APC2: variants seen among roughly 807,000 people sequenced by gnomAD.
APC2 encodes APC regulator of Wnt signaling pathway 2.
A neutral mutation model predicts 72.5 loss-of-function variants in APC2; 41 were observed. The observed-to-expected ratio is 0.57, with a 90% CI of 0.44 to 0.73. The LOEUF (loss-of-function observed/expected upper bound fraction) is 0.73, where lower values mean the gene tolerates loss of function less well. Ranked by LOEUF, APC2 falls within the 30% of genes least tolerant of loss-of-function variation. The pLI is 0.00. For synonymous variants in APC2, 1,898 were observed against 1,612.0 expected (o/e 1.18, Z -4.25); for missense variants, 3,729 against 3,403.4 (o/e 1.10, Z -2.38).
In APC2 at chr19:1,470,087, C is replaced by A; in HGVS notation, c.6786C>A (p.Gly2262=). 1 of 1,602,592 alleles carries A rather than the reference C, an allele frequency of 6.2e-7. No individual in the cohort carries two copies. The highest frequency in any genetic ancestry group is 8.5e-7 in the Non-Finnish European group (1 of 1,177,138). The change falls in exon 15 of 15, where the codon GGC becomes GGA. Residue 2262 remains glycine, a synonymous_variant. Coordinates refer to ENST00000590469, the MANE Select transcript of APC2 (RefSeq NM_005883.3). ...GGGGCTTCCCCGCCAGCCGGCACGG[C>A]TCCCCCAGCCGCTCGGCCCGAGTAC... ...AVGGFPASRH[G]SPSRSARVPP... is the part of the protein sequence containing the mutation.
Position 1,471,520 on chromosome 19 carries a change from G to T in APC2, c.*1307G>T, listed in dbSNP as rs1368211314. On this transcript the variant is annotated 3_prime_UTR_variant, in exon 15 of 15. Transcript: ENST00000590469. ...GCTGGGAGCTGGGCCTCCTGCGTGG[G>T]GTGGGACTCGCAGGGGCCGGGTCTC... 3.9e-5 allele frequency: 6 copies of T among 152,258 alleles called. No homozygotes were observed. Among genetic ancestry groups the T allele is most frequent in the Non-Finnish European group, 1.5e-5 (1 of 68,072 alleles). The allele number at this position is 152,258 out of a possible 1,614,324, so 9.4% of individuals were successfully genotyped here. A position where few individuals can be genotyped will look rare whatever the true frequency, so the allele number is the denominator to read the frequency against.
chr19:1,456,266 C>G, intron 7 of APC2, 40 bp from the exon 8 acceptor site: 1 of 1,579,888 alleles, frequency 6.3e-7, no homozygotes, highest in Non-Finnish European at 8.6e-7. Flanking sequence ...AGACTGGGTG[C>G]TCTGGGACTG....
chr19:1,450,359 G>A, intron 1 of APC2, 21 bp downstream of exon 1: 1 of 985,554 alleles, frequency 1.0e-6, no homozygotes. Context: ...TCGGGGAGGA[G>A]GGCAGGGGCG....
chr19:1,462,209 C>A, intron 14 of APC2, 32 bp downstream of exon 14: 1 of 1,510,322 alleles, frequency 6.6e-7, no homozygotes, highest in Admixed American at 2.0e-5. Flanking sequence ...CGCACACAGG[C>A]AGCTGCGCTC....
In APC2 at chr19:1,457,014, C is replaced by G. The variant is rs750529335; in HGVS notation, c.978C>G (p.Ala326=). Residue 326 remains alanine, a synonymous_variant, in exon 9 of 15, where the codon GCC becomes GCG. Transcript: ENST00000590469. Reference sequence around the variant, plus strand: ...TGCAAATCCTCCACGGCACCGAGGCCGCGGCCGGGGGTCGCGCCGGGGCCC... The same window carrying G: ...TGCAAATCCTCCACGGCACCGAGGCGGCGGCCGGGGGTCGCGCCGGGGCCC... ...LLLQILHGTE[A]AAGGRAGAPG... is the part of the protein sequence containing the mutation. The G allele has an allele frequency of 6.5e-6, 10 of 1,529,176 alleles. No individual in the cohort carries two copies. Among genetic ancestry groups the G allele is most frequent in the Non-Finnish European group, 8.7e-6 (10 of 1,144,264 alleles). 94.7% of individuals were successfully genotyped at this position (1,529,176 alleles called of 1,614,324 possible). A position where few individuals can be genotyped will look rare whatever the true frequency, so the allele number is the denominator to read the frequency against.
Position 1,469,177 on chromosome 19 carries a change from C to A in APC2, c.5876C>A (p.Thr1959Asn). ...PEPGPRGRAG[T>N]EAGPGARGGR... The stretch of plus-strand genomic sequence containing the variant: ...CCGGGCCCCAGGGGCCGGGCGGGGA[C>A]CGAGGCGGGCCCGGGGGCGCGCGGG... Residue 1959 changes from threonine (T) to asparagine (N), a missense_variant, in exon 15 of 15, where the codon ACC becomes AAC. Thr to Asn is a moderately conservative substitution (Grantham distance 65, BLOSUM62 0). Coordinates refer to ENST00000590469, the MANE Select transcript of APC2 (RefSeq NM_005883.3). 1 of 1,283,648 alleles carries A rather than the reference C, an allele frequency of 7.8e-7. No homozygotes were observed. 79.5% of individuals were successfully genotyped at this position (1,283,648 alleles called of 1,614,324 possible).
intron 1 of APC2, chr19:1,451,570 C>T (rs2083743305): frequency 1.3e-5 from 2 of 152,294 alleles, no homozygotes; most frequent in African/African-American, 4.8e-5. Flanking sequence ...CTGCAGGTTC[C>T]TCAGAGGGGC....
At chr19:1,448,366 G>A (rs2083705417), upstream of APC2, among the ~76,000 whole-genome samples, 1 of 151,474 alleles carries the variant, frequency 6.6e-6, no homozygotes, top group Non-Finnish European at 1.5e-5. Context: ...GACCAACACG[G>A]TGAAACCCCC....
rs2145246525 is a variant in APC2 at position 1,467,721 on chromosome 19, A to G, written c.4420A>G (p.Ser1474Gly). ...GLELPLGRPP[S>G]APADKDGSKP... ...GGAGCTGCCCCTGGGCCGGCCCCCG[A>G]GCGCCCCCGCAGACAAGGACGGCTC... The change falls in exon 15 of 15, where the codon AGC becomes GGC. Residue 1474 changes from serine (S) to glycine (G), a missense_variant. By Grantham distance (56) the Ser-to-Gly change is moderately conservative. Transcript: ENST00000590469. 7.0e-7 allele frequency: 1 copy of G among 1,435,754 alleles called. No homozygotes were observed. The highest frequency in any genetic ancestry group is 9.1e-7 in the Non-Finnish European group (1 of 1,103,192). The allele number at this position is 1,435,754 out of a possible 1,614,324, so 88.9% of individuals were successfully genotyped here. A position where few individuals can be genotyped will look rare whatever the true frequency, so the allele number is the denominator to read the frequency against.
At chr19:1,462,835 G>A (rs1285198588) in intron 14 of APC2, among the ~76,000 whole-genome samples, 1 of 151,146 alleles carries the variant, frequency 6.6e-6, no homozygotes, top group Non-Finnish European at 1.5e-5. Flanking sequence ...GCTGGGCATG[G>A]TGGTGGGTGC....
Position 1,469,703 on chromosome 19 carries a change from G to T in APC2, c.6402G>T (p.Arg2134=). 7.2e-7 allele frequency: 1 copy of T among 1,383,242 alleles called. No homozygotes were observed. The highest frequency in any genetic ancestry group is 1.6e-5 in the South Asian group (1 of 62,278). 85.7% of individuals were successfully genotyped at this position (1,383,242 alleles called of 1,614,324 possible). Residue 2134 remains arginine, a synonymous_variant, in exon 15 of 15, where the codon CGG becomes CGT. Transcript: ENST00000590469. ...GCCGCAGCAGCGACGGGGAGCCCCG[G>T]CCGCTCCCCAGGGTGGCCGCGCCGG... ...AARRSSDGEP[R]PLPRVAAPGT...
chr19:1,461,108 G>A lies in APC2; in HGVS notation c.1593G>A (p.Ala531=), dbSNP rs760400612. The change falls in exon 13 of 15, where the codon GCG becomes GCA. Residue 531 remains alanine, a synonymous_variant. Transcript: ENST00000590469. ...DINSKKVLRE[A]GSVTALVQCV... The stretch of plus-strand genomic sequence containing the variant: ...ACAGCAAGAAGGTGCTGAGGGAGGC[G>A]GGCAGCGTGACTGCCCTGGTGCAGT... 41 of 1,612,998 alleles carry A rather than the reference G, an allele frequency of 2.5e-5. No individual in the cohort carries two copies. Among genetic ancestry groups the A allele is most frequent in the South Asian group, 5.5e-5 (5 of 91,090 alleles).
In APC2 at chr19:1,470,485, A is replaced by T; in HGVS notation, c.*272A>T. 1 of 434,030 alleles carries T rather than the reference A, an allele frequency of 2.3e-6. No homozygotes were observed. Among genetic ancestry groups the T allele is most frequent in the South Asian group, 4.1e-5 (1 of 24,404 alleles). 26.9% of individuals were successfully genotyped at this position (434,030 alleles called of 1,614,324 possible). On this transcript the variant is annotated 3_prime_UTR_variant, in exon 15 of 15. Coordinates refer to ENST00000590469, the MANE Select transcript of APC2 (RefSeq NM_005883.3). ...AGCGCTGGCAAGGGCGTCCTGGCCC[A>T]GCCCTGAGCGCGCGGCCCTTCCCCT...
chr19:1,457,684 C>CGA, intron 9 of APC2: 1 of 538,864 alleles, frequency 1.9e-6, no homozygotes, highest in Non-Finnish European at 3.4e-6. Flanking sequence ...GACAACAGAG[C>CGA]GAGACCCTGT....
rs1000864276 is a variant in APC2, at chr19:1,470,363, C to T, written c.*150C>T. On this transcript the variant is annotated 3_prime_UTR_variant, in exon 15 of 15. Coordinates refer to ENST00000590469, the MANE Select transcript of APC2 (RefSeq NM_005883.3). The stretch of plus-strand genomic sequence containing the variant: ...CCACTCTCAGAACCCCCGCCCAGCG[C>T]ACGGCGACCTCGCGCCTCACCGGAA... 2 of 1,147,618 alleles carry T rather than the reference C, an allele frequency of 1.7e-6. No individual in the cohort carries two copies. The highest frequency in any genetic ancestry group is 2.3e-6 in the Non-Finnish European group (2 of 854,632). The allele number at this position is 1,147,618 out of a possible 1,614,324, so 71.1% of individuals were successfully genotyped here.
Position 1,468,350 on chromosome 19 carries a change from C to T in APC2, c.5049C>T (p.Ser1683=), listed in dbSNP as rs758774931. The change falls in exon 15 of 15, where the codon AGC becomes AGT. Residue 1683 remains serine, a synonymous_variant. Transcript: ENST00000590469. The part of the protein sequence containing the change: ...AGSDRASDLD[S]VEWRAIQEGA... ...CGGACCGGGCCTCCGACCTGGATAG[C>T]GTGGAGTGGCGCGCCATCCAGGAGG... 2.0e-5 allele frequency: 31 copies of T among 1,566,606 alleles called. No homozygotes were observed. In the East Asian group the frequency reaches 6.4e-4, roughly 32 times the overall value.
At position 1,466,955 on chromosome 19, in the gene APC2, C is replaced by A. The variant is rs529253816; in HGVS notation, c.3654C>A (p.Pro1218=). 1 of 1,603,794 alleles carries A rather than the reference C, an allele frequency of 6.2e-7. No individual in the cohort carries two copies. The highest frequency in any genetic ancestry group is 8.5e-7 in the Non-Finnish European group (1 of 1,175,616). Residue 1218 remains proline, a synonymous_variant, in exon 15 of 15, where the codon CCC becomes CCA. Coordinates refer to ENST00000590469, the MANE Select transcript of APC2 (RefSeq NM_005883.3). ...GGAGCAAGACGCCACCGCTGGCGCC[C>A]GCGCCACAGGGTCCCCCCGAGGCCA... ...PSRSKTPPLA[P]APQGPPEATQ... is the part of the protein sequence containing the mutation.
At position 1,453,138 on chromosome 19, in the gene APC2, T is replaced by TGAAGGTGGGGGCCTACATGGA. The variant is rs1403291549; in HGVS notation, c.139_141+18dup. On this transcript the variant is annotated inframe_insertion, in exon 2 of 15. Coordinates refer to ENST00000590469, the MANE Select transcript of APC2 (RefSeq NM_005883.3). ...AAGCTGGAGACAGAGACGTCGGGCA[T>TGAAGGTGGGGGCCTACATGGA]GAAGGTGGGGGCCTACATGGAGGAG... 6.2e-7 allele frequency: 1 copy of TGAAGGTGGGGGCCTACATGGA among 1,601,210 alleles called. No homozygotes were observed. The highest frequency in any genetic ancestry group is 8.5e-7 in the Non-Finnish European group (1 of 1,174,512).
Position 1,467,883 on chromosome 19 carries a change from C to A in APC2, c.4582C>A (p.Arg1528=), listed in dbSNP as rs776974633. 1 of 1,576,454 alleles carries A rather than the reference C, an allele frequency of 6.3e-7. No homozygotes were observed. The highest frequency in any genetic ancestry group is 8.5e-7 in the Non-Finnish European group (1 of 1,170,010). ...PPAAAPTPTH[R]RTSAIPRAFT... Reference sequence around the variant, plus strand: ...GGCGGCCGCGCCCACGCCAACCCACCGGCGCACATCGGCCATCCCTCGCGC... The same window carrying A: ...GGCGGCCGCGCCCACGCCAACCCACAGGCGCACATCGGCCATCCCTCGCGC... The change falls in exon 15 of 15, where the codon CGG becomes AGG. Residue 1528 remains arginine (R), a synonymous_variant. Coordinates refer to ENST00000590469, the MANE Select transcript of APC2 (RefSeq NM_005883.3).
Sources: allele counts gnomAD v4.1 joint callset (sites outside exome capture counted in the v4.1 genomes callset), GRCh38; gene constraint gnomAD v4.1.1; transcripts MANE v1.5; gene names NCBI Gene and HGNC (gene_info 2026-07-23, HGNC 2026-07-21).